Variants in ABL2 observed in about 807,000 individuals in gnomAD.
ABL2 encodes tyrosine-protein kinase ABL2.
A neutral mutation model predicts 107.7 loss-of-function variants in ABL2; 49 were observed. The ratio of observed to expected loss-of-function variants is 0.45; its 90% CI spans 0.36 to 0.58. ABL2 has a LOEUF of 0.58. Ranked by LOEUF, ABL2 falls within the 20% of genes least tolerant of loss-of-function variation. The probability of loss-of-function intolerance (pLI) is 0.00; values close to 1 mark genes in which losing one functional copy is unlikely to be tolerated. For synonymous variants in ABL2, 549 were observed against 548.6 expected (o/e 1.00, Z -0.01); for missense variants, 1,245 against 1,457.0 (o/e 0.85, Z 2.37).
In ABL2 at chr1:179,108,528, C is replaced by G. The variant is rs1572601012; in HGVS notation, c.2739G>C (p.Trp913Cys). 1.2e-6 allele frequency: 2 copies of G among 1,614,132 alleles called. No homozygotes were observed. The highest frequency in any genetic ancestry group is 1.7e-6 in the Non-Finnish European group (2 of 1,180,006). The change falls in exon 12 of 12, where the codon TGG becomes TGC. Residue 913 changes from tryptophan (W) to cysteine (C), a missense_variant. Physicochemically the swap from Trp to Cys is radical, Grantham distance 215. Transcript: ENST00000502732. Reference sequence around the variant, plus strand: ...CGGGGGCAGCCTTGGCTGGAGAAGGCCAGCCCGGCTGCTCTCCATCCTCTG... The same window carrying G: ...CGGGGGCAGCCTTGGCTGGAGAAGGGCAGCCCGGCTGCTCTCCATCCTCTG... ...GVPEDGEQPG[W>C]PSPAKAAPVL...
intron 8 of ABL2, among the ~76,000 whole-genome samples, chr1:179,116,511 CTT>C (rs539446954): frequency 3.4e-5 from 5 of 145,556 alleles, no homozygotes; most frequent in Non-Finnish European, 6.1e-5. Flanking sequence ...TTTCTTCTTT[CTT>C]TTTTTTTTTT....
At chr1:179,171,696 T>A (rs906010535) in intron 1 of ABL2, among the ~76,000 whole-genome samples, 4 of 152,162 alleles carry the variant, frequency 2.6e-5, no homozygotes, top group African/African-American at 9.7e-5. Flanking sequence ...CTAACTATTT[T>A]ATGTTTTTGT....
intron 1 of ABL2, among the ~76,000 whole-genome samples, chr1:179,160,489 A>G (rs1192136769): frequency 6.6e-6 from 1 of 152,180 alleles, no homozygotes; most frequent in Non-Finnish European, 1.5e-5. Flanking sequence ...TTATTAGATT[A>G]GTATGTATAC....
rs892479758 is a variant in ABL2, at chr1:179,196,250, T to C, written c.157+32991A>G. Among the ~76,000 whole-genome samples, 45 of 152,264 alleles carry C rather than the reference T, an allele frequency of 3.0e-4. 1 individual carries two copies. The highest frequency in any genetic ancestry group is 3.2e-3 in the Middle Eastern group (1 of 316). On this transcript the variant is annotated intron_variant, in intron 1 of 11. Coordinates refer to ENST00000502732, the MANE Select transcript of ABL2 (RefSeq NM_007314.4). ...GTTTTTTGTCTTGTTTTTGGAGTTC[T>C]GTGTTTTTCTATTCAAAATGCACCC...
rs775453899 is a variant in ABL2 at position 179,122,839 on chromosome 1, T to G, written c.688-972A>C. On this transcript the variant is annotated intron_variant, in intron 4 of 11. Transcript: ENST00000502732. ...TGGCTAATTTTTTTCTTTGTATTTT[T>G]AGTAGAGATGGGGTTTCACCATGTT... is the stretch of plus-strand genomic sequence containing the variant. Among the ~76,000 whole-genome samples, 77 of 152,084 alleles carry G rather than the reference T, an allele frequency of 5.1e-4. 1 individual carries two copies. Among genetic ancestry groups the G allele is most frequent in the South Asian group, 1.3e-3 (6 of 4,800 alleles).
In ABL2 at chr1:179,104,077, G is replaced by T. The variant is rs964435232; in HGVS notation, c.*3641C>A. ...TTTGTTTTGTTTTTTAACCCTAGGG[G>T]ATTCTGCTGTGCATCCCTAGACTAG... On this transcript the variant is annotated 3_prime_UTR_variant, in exon 12 of 12. Transcript: ENST00000502732. 6 of 232,844 alleles carry T rather than the reference G, an allele frequency of 2.6e-5. No individual in the cohort carries two copies. The highest frequency in any genetic ancestry group is 4.2e-5 in the Non-Finnish European group (5 of 117,846). The allele number at this position is 232,844 out of a possible 1,614,324, so 14.4% of individuals were successfully genotyped here.
intron 1 of ABL2, chr1:179,142,806 C>G: frequency 3.5e-6 from 4 of 1,131,644 alleles, no homozygotes; most frequent in Non-Finnish European, 3.7e-6. Context: ...AGAAAGCACA[C>G]AAACTTTCAC....
chr1:179,118,669 C>A lies in ABL2; in HGVS notation c.1141G>T (p.Val381Leu), dbSNP rs751308059. The change falls in exon 7 of 12, where the codon GTG (valine) becomes TTG (leucine). Residue 381 changes from valine (V) to leucine (L), a missense_variant. Coordinates refer to ENST00000502732, the MANE Select transcript of ABL2 (RefSeq NM_007314.4). Reference sequence around the variant, plus strand: ...ATGTAGAGCAGCACAACTGCAGTCACCTCTTCTCGGTTGCATTCTCGGAGG... The same window carrying A: ...ATGTAGAGCAGCACAACTGCAGTCAACTCTTCTCGGTTGCATTCTCGGAGG... Reference protein sequence around the residue: ...DYLRECNREEVTAVVLLYMAT... With the variant: ...DYLRECNREELTAVVLLYMAT... 1 of 1,613,926 alleles carries A rather than the reference C, an allele frequency of 6.2e-7. No individual in the cohort carries two copies. The highest frequency in any genetic ancestry group is 8.5e-7 in the Non-Finnish European group (1 of 1,179,992).
intron 3 of ABL2, 40 bp downstream of exon 3, chr1:179,131,271 G>A: frequency 6.3e-7 from 1 of 1,593,206 alleles, no homozygotes; most frequent in Non-Finnish European, 8.6e-7. Context: ...AATCATTAAT[G>A]AAAACTGAAA....
intron 10 of ABL2, among the ~76,000 whole-genome samples, chr1:179,111,442 C>A (rs377697591): frequency 6.6e-6 from 1 of 151,806 alleles, no homozygotes; most frequent in African/African-American, 2.4e-5. Context: ...CCTGCCATCA[C>A]GCCTGGCTAG....
rs28913892 is a variant in ABL2, at chr1:179,107,966, T to C, written c.3301A>G (p.Thr1101Ala). 6.2e-7 allele frequency: 1 copy of C among 1,614,228 alleles called. No homozygotes were observed. The highest frequency in any genetic ancestry group is 1.7e-5 in the Admixed American group (1 of 60,026). ...AGCTGGCTGTTGGGCACAGGTTCCG[T>C]GAGTGCACTGGACAGTAGGTCAGCA... ...ECADLLSSALTEPVPNSQLVD... is the reference protein window; with the variant it reads ...ECADLLSSALAEPVPNSQLVD... The change falls in exon 12 of 12, where the codon ACG (threonine) becomes GCG (alanine). Residue 1101 changes from threonine to alanine, a missense_variant. Around this residue, in one of 3 missense-constraint regions of ABL2, gnomAD observed 761 missense variants for 766.4 expected, o/e 0.99. Transcript: ENST00000502732.
intron 1 of ABL2, among the ~76,000 whole-genome samples, chr1:179,223,064 C>A (rs1325951770): frequency 6.9e-6 from 1 of 145,372 alleles, no homozygotes; most frequent in Non-Finnish European, 1.5e-5. Flanking sequence ...GAGCCAAGAT[C>A]GCGCCACTGC....
intron 1 of ABL2, among the ~76,000 whole-genome samples, chr1:179,205,754 T>G (rs1010395257): frequency 6.6e-6 from 1 of 152,176 alleles, no homozygotes; most frequent in African/African-American, 2.4e-5. Context: ...TACTAACTTA[T>G]TACCTAGTCT....
At chr1:179,183,357 TAACAACAAC>T (rs28914481) in intron 1 of ABL2, among the ~76,000 whole-genome samples, 1 of 152,196 alleles carries the variant, frequency 6.6e-6, no homozygotes, top group South Asian at 2.1e-4. Context: ...CTTAAATTTA[TAACAACAAC>T]AACAACAACA....
chr1:179,121,837 T>C lies in ABL2; in HGVS notation c.718A>G (p.Thr240Ala), dbSNP rs751131620. ...TGATGGTGTACAAGCTCTGCCAAGG[T>C]GCTGAAGCGGCTCTCAGCAGTCACA... is the stretch of plus-strand genomic sequence containing the variant. ...VYVTAESRFS[T>A]LAELVHHHST... Residue 240 changes from threonine to alanine, a missense_variant, in exon 5 of 12, where the codon ACC (threonine) becomes GCC (alanine). By Grantham distance (58) the Thr-to-Ala change is moderately conservative. Around this residue, in one of 3 missense-constraint regions of ABL2, gnomAD observed 320 missense variants for 547.0 expected, o/e 0.59. Transcript: ENST00000502732. The C allele has an allele frequency of 5.6e-6, 9 of 1,612,804 alleles. No individual in the cohort carries two copies. Among genetic ancestry groups the C allele is most frequent in the Non-Finnish European group, 7.6e-6 (9 of 1,179,798 alleles).
In ABL2 at chr1:179,117,234, T is replaced by C. The variant is rs753688811; in HGVS notation, c.1408+98A>G. 4.2e-6 allele frequency: 5 copies of C among 1,188,238 alleles called. No individual in the cohort carries two copies. The South Asian group carries it at 5.3e-5, about 12-fold the overall frequency. The allele number at this position is 1,188,238 out of a possible 1,614,324, so 73.6% of individuals were successfully genotyped here. Reference sequence around the variant, plus strand: ...ACTGAAGAAGAATGGCAGGTAAAGGTAGAGGATACTGAACATCGTAAGAGA... The same window carrying C: ...ACTGAAGAAGAATGGCAGGTAAAGGCAGAGGATACTGAACATCGTAAGAGA... On this transcript the variant is annotated intron_variant, in intron 8 of 11. Coordinates refer to ENST00000502732, the MANE Select transcript of ABL2 (RefSeq NM_007314.4).
intron 9 of ABL2, among the ~76,000 whole-genome samples, chr1:179,113,013 C>T (rs1210100022): frequency 2.6e-5 from 4 of 152,212 alleles, no homozygotes; most frequent in Non-Finnish European, 4.4e-5. Context: ...CTCAGCCTCC[C>T]AAAGCGCTGG....
intron 1 of ABL2, among the ~76,000 whole-genome samples, chr1:179,162,605 A>AT: frequency 6.6e-6 from 1 of 152,262 alleles, no homozygotes; most frequent in East Asian, 1.9e-4. Context: ...TAAAAAATAA[A>AT]TTTAAAAAAC....
Position 179,160,905 on chromosome 1 carries a change from T to C in ABL2, c.158-27531A>G, listed in dbSNP as rs1311168824. Among the ~76,000 whole-genome samples, 4 of 152,062 alleles carry C rather than the reference T, an allele frequency of 2.6e-5. No individual in the cohort carries two copies. In the East Asian group the frequency reaches 7.7e-4, roughly 29 times the overall value. On this transcript the variant is annotated intron_variant, in intron 1 of 11. Transcript: ENST00000502732. ...AGCACAAGCCACCACACCTGGCTAG[T>C]TTTTTCATTTTTTGTAGAGACAGGG...
Sources: gnomAD v4.1 joint callset for allele counts (sites outside exome capture counted in the v4.1 genomes callset) on GRCh38, gnomAD v4.1.1 for gene constraint, gnomAD v4.1.1 regional missense constraint, MANE v1.5 for transcripts, NCBI Gene and HGNC (gene_info 2026-07-23, HGNC 2026-07-21) for gene names.